The following EIF4G3 variants were observed in gnomAD, a reference collection of about 807,000 sequenced individuals.
EIF4G3 encodes eIF-4-gamma 3.
EIF4G3 carries 34 observed loss-of-function variants against 186.4 expected under a neutral mutation model. The observed-to-expected ratio is 0.18, with a 90% CI of 0.14 to 0.24. The LOEUF is 0.24. EIF4G3 is among the 10% of genes least tolerant of loss of function. The pLI is 1.00. For missense variants in EIF4G3, 1,536 were observed against 1,948.5 expected (o/e 0.79, Z 3.99); for synonymous variants, 673 against 679.5 (o/e 0.99, Z 0.15).
intron 33 of EIF4G3, among the ~76,000 whole-genome samples, chr1:20,818,410 A>T (rs907042344): frequency 5.9e-5 from 9 of 152,266 alleles, no homozygotes; most frequent in African/African-American, 2.2e-4. Context: ...AGGCCAAGGC[A>T]GGAGGAGTGT....
intron 12 of EIF4G3, among the ~76,000 whole-genome samples, chr1:20,954,960 T>C (rs924013529): frequency 4.6e-5 from 7 of 152,160 alleles, no homozygotes; most frequent in African/African-American, 1.7e-4. Flanking sequence ...TGTTGGCATG[T>C]AGGAGGAAGG....
At chr1:21,023,948 CGACCCCATCTGGGAGGTGAGGAGCGT>C (rs2091484469) in intron 4 of EIF4G3, among the ~76,000 whole-genome samples, 1 of 78,612 alleles carries the variant, frequency 1.3e-5, no homozygotes, top group African/African-American at 3.8e-5. Flanking sequence ...TGCCCGGCCA[CGACCCCATCTGGGAGGTGAGGAGCGT>C]CTCTGCCCGG....
Position 21,044,906 on chromosome 1 carries a change from G to A in EIF4G3, c.-67+5960C>T, listed in dbSNP as rs539302612. On this transcript the variant is annotated intron_variant, in intron 4 of 36. Transcript: ENST00000602326. ...CTACTTTGTGAGGCTGAGGCTGGAG[G>A]ACTGTATGAGGCCAGGATTTAGAAA... is the stretch of plus-strand genomic sequence containing the variant. Among the ~76,000 whole-genome samples the A allele has an allele frequency of 4.6e-5, 7 of 152,252 alleles. No homozygotes were observed. The East Asian group carries it at 1.4e-3, about 29-fold the overall frequency.
intron 4 of EIF4G3, among the ~76,000 whole-genome samples, chr1:21,039,417 C>T (rs1423770746): frequency 6.6e-6 from 1 of 152,178 alleles, no homozygotes; most frequent in African/African-American, 2.4e-5. Context: ...TAGGGGGAAA[C>T]TTTCAGAACA....
chr1:20,941,244 T>A (rs1472425936), intron 14 of EIF4G3: 2 of 1,540,572 alleles, frequency 1.3e-6, no homozygotes, highest in Non-Finnish European at 1.7e-6. Context: ...ACCCAACATG[T>A]TTCGTGACAT....
chr1:20,921,012 TAATAG>T (rs2094454066), intron 14 of EIF4G3, among the ~76,000 whole-genome samples: 1 of 152,204 alleles, frequency 6.6e-6, no homozygotes, highest in South Asian at 2.1e-4. Flanking sequence ...TTATTTTATA[TAATAG>T]AACTGTTTAT....
chr1:21,046,545 C>A (rs1336666617), intron 4 of EIF4G3, among the ~76,000 whole-genome samples: 1 of 152,090 alleles, frequency 6.6e-6, no homozygotes, highest in African/African-American at 2.4e-5. Context: ...TCACTTAGAC[C>A]TTAGTAGATT....
intron 4 of EIF4G3, among the ~76,000 whole-genome samples, chr1:21,021,917 T>A (rs2090814952): frequency 6.6e-6 from 1 of 152,138 alleles, no homozygotes; most frequent in South Asian, 2.1e-4. Context: ...ACAAGATGAA[T>A]AAATCAAGAA....
At chr1:20,821,931 G>A (rs1300257136) in intron 33 of EIF4G3, among the ~76,000 whole-genome samples, 1 of 152,124 alleles carries the variant, frequency 6.6e-6, no homozygotes, top group Non-Finnish European at 1.5e-5. Context: ...GAGCTGGAGT[G>A]CAATAATGTG....
intron 14 of EIF4G3, among the ~76,000 whole-genome samples, chr1:20,923,391 GCT>G (rs2094621890): frequency 1.3e-5 from 2 of 152,102 alleles, no homozygotes; most frequent in African/African-American, 2.4e-5. Context: ...TGTTTTTACT[GCT>G]CTGTGTTTTA....
chr1:20,909,269 T>A (rs966162461), intron 14 of EIF4G3, among the ~76,000 whole-genome samples: 1 of 152,248 alleles, frequency 6.6e-6, no homozygotes, highest in South Asian at 2.1e-4. Flanking sequence ...GAGGAACTAT[T>A]CTGTGTAGAC....
chr1:21,064,848 TG>T (rs550910004), intron 3 of EIF4G3: 9 of 152,232 alleles, frequency 5.9e-5, no homozygotes, highest in African/African-American at 1.9e-4. Flanking sequence ...AGATGTGGAG[TG>T]AAGACTTTTA....
At chr1:21,100,854 A>G (rs1349412955) in intron 2 of EIF4G3, among the ~76,000 whole-genome samples, 1 of 152,188 alleles carries the variant, frequency 6.6e-6, no homozygotes, top group African/African-American at 2.4e-5. Flanking sequence ...TTCTTTTTCA[A>G]TGACAGGAAA....
At chr1:21,051,158 A>G (rs1404246675) in intron 3 of EIF4G3, among the ~76,000 whole-genome samples, 164 bp from the exon 4 acceptor site, 1 of 152,240 alleles carries the variant, frequency 6.6e-6, no homozygotes, top group Non-Finnish European at 1.5e-5. Context: ...TGAAAAAAAC[A>G]GAATTCTTTA....
chr1:21,118,065 A>G (rs1167771855), intron 2 of EIF4G3, among the ~76,000 whole-genome samples: 1 of 152,248 alleles, frequency 6.6e-6, no homozygotes, highest in South Asian at 2.1e-4. Context: ...TTTGGATTCC[A>G]GCAAAGATAA....
chr1:21,075,491 C>G (rs549641938), intron 3 of EIF4G3, among the ~76,000 whole-genome samples: 5 of 143,534 alleles, frequency 3.5e-5, no homozygotes, highest in African/African-American at 1.3e-4. Context: ...ATCACTGGAA[C>G]CCGGGAGGCG....
At chr1:21,111,174 C>G in intron 2 of EIF4G3, 1 of 366,644 alleles carries the variant, frequency 2.7e-6, no homozygotes, top group South Asian at 2.1e-5. Context: ...ACACAGGATA[C>G]ATTTCAGGAC....
At chr1:20,969,112 A>G (rs2075315914) in intron 12 of EIF4G3, among the ~76,000 whole-genome samples, 1 of 152,222 alleles carries the variant, frequency 6.6e-6, no homozygotes, top group Non-Finnish European at 1.5e-5. Context: ...TTGCGTTAAC[A>G]AAAGGTGCAG....
At chr1:20,985,526 A>C (rs1268272930) in intron 7 of EIF4G3, among the ~76,000 whole-genome samples, 1 of 137,752 alleles carries the variant, frequency 7.3e-6, no homozygotes, top group East Asian at 2.0e-4. Flanking sequence ...AAAAAAAAAA[A>C]AAAATATATA....
Sources: allele counts gnomAD v4.1 joint callset (sites outside exome capture counted in the v4.1 genomes callset), GRCh38; gene constraint gnomAD v4.1.1; transcripts MANE v1.5; gene names NCBI Gene and HGNC (gene_info 2026-07-23, HGNC 2026-07-21).